Variants in DTNB observed in about 807,000 individuals in gnomAD.
DTNB encodes the protein dystrobrevin beta.
A neutral mutation model predicts 90.7 loss-of-function variants in DTNB; 63 were observed. The observed-to-expected ratio is 0.69, with a 90% CI of 0.57 to 0.86. The LOEUF is 0.86. Among genes scored for constraint, DTNB ranks in the 40% least tolerant of loss-of-function variants. The pLI, the probability that DTNB is intolerant of heterozygous loss-of-function variation, is 0.00. For synonymous variants in DTNB, 277 were observed against 286.7 expected (o/e 0.97, Z 0.34); for missense variants, 744 against 807.1 (o/e 0.92, Z 0.95).
intron 19 of DTNB, among the ~76,000 whole-genome samples, chr2:25,382,692 C>T (rs1056779808): frequency 1.1e-4 from 16 of 151,866 alleles, no homozygotes; most frequent in Admixed American, 7.2e-4. Context: ...CCACACCTGG[C>T]TTATTTTTGT....
chr2:25,471,691 C>A (rs528815449), intron 10 of DTNB, among the ~76,000 whole-genome samples: 3 of 152,080 alleles, frequency 2.0e-5, no homozygotes, highest in Non-Finnish European at 4.4e-5. Flanking sequence ...CGTGAGCCAC[C>A]GCATCTGGCC....
At position 25,627,937 on chromosome 2, in the gene DTNB, C is replaced by T. The variant is rs182626481; in HGVS notation, c.362+234G>A. ...ATTTTTAGTAGAGACGGGGTTTCAC[C>T]GTGTTAGCCGGGATGGTCTCCATCT... On this transcript the variant is annotated intron_variant, in intron 4 of 20. Transcript: ENST00000406818. Among the ~76,000 whole-genome samples, 7 of 152,096 alleles carry T rather than the reference C, an allele frequency of 4.6e-5. No individual in the cohort carries two copies. The South Asian group carries it at 6.2e-4, about 14-fold the overall frequency.
chr2:25,488,553 A>G (rs1436266013), intron 9 of DTNB, among the ~76,000 whole-genome samples: 1 of 152,204 alleles, frequency 6.6e-6, no homozygotes, highest in Non-Finnish European at 1.5e-5. Context: ...AAATAGGAGA[A>G]CAGAACTCAG....
In DTNB at chr2:25,386,066, T is replaced by A. The variant is rs1038242782; in HGVS notation, c.1825+1223A>T. 4 of 985,372 alleles carry A rather than the reference T, an allele frequency of 4.1e-6. No individual in the cohort carries two copies. The African/African-American group carries it at 7.0e-5, about 17-fold the overall frequency. 61.0% of individuals were successfully genotyped at this position (985,372 alleles called of 1,614,324 possible). On this transcript the variant is annotated intron_variant, in intron 18 of 20. Transcript: ENST00000406818. ...TGAAGGCTGTCGCCTCTTCTGTTTATGTGTACAGAGCGGGGCCGTGCTTCT... is the reference window on the plus strand; with the variant it reads ...TGAAGGCTGTCGCCTCTTCTGTTTAAGTGTACAGAGCGGGGCCGTGCTTCT...
intron 1 of DTNB, chr2:25,652,911 T>C (rs774655746): frequency 8.9e-6 from 3 of 336,792 alleles, no homozygotes; most frequent in Non-Finnish European, 1.6e-5. Context: ...GCTAAAAATA[T>C]GGGGCTGACT....
intron 2 of DTNB, among the ~76,000 whole-genome samples, chr2:25,645,280 G>A (rs1001759268): frequency 2.0e-5 from 3 of 151,276 alleles, no homozygotes; most frequent in Non-Finnish European, 4.4e-5. Flanking sequence ...CTACTTGAGA[G>A]GGTGAGGCAT....
chr2:25,572,341 C>T (rs2059994970), intron 8 of DTNB, among the ~76,000 whole-genome samples: 1 of 152,104 alleles, frequency 6.6e-6, no homozygotes, highest in Non-Finnish European at 1.5e-5. Context: ...GTGGTGGGCA[C>T]CTGCAGTCCT....
chr2:25,604,203 C>CCAA (rs142633355), intron 5 of DTNB, among the ~76,000 whole-genome samples: 2 of 152,098 alleles, frequency 1.3e-5, no homozygotes, highest in African/African-American at 4.8e-5. Context: ...ACCACCACCA[C>CCAA]CAACAACAAC....
chr2:25,447,700 G>T (rs543274026), intron 12 of DTNB, among the ~76,000 whole-genome samples: 2 of 151,662 alleles, frequency 1.3e-5, no homozygotes, highest in East Asian at 1.9e-4. Flanking sequence ...GTAGAGACGG[G>T]GTTTCACCAT....
chr2:25,447,190 T>C (rs2058545172), intron 12 of DTNB, among the ~76,000 whole-genome samples: 1 of 152,370 alleles, frequency 6.6e-6, no homozygotes, highest in South Asian at 2.1e-4. Context: ...TCTAAAGCCA[T>C]TGAGGGTCTC....
At chr2:25,558,714 TAA>T (rs2057762895) in intron 8 of DTNB, among the ~76,000 whole-genome samples, 1 of 152,210 alleles carries the variant, frequency 6.6e-6, no homozygotes, top group African/African-American at 2.4e-5. Flanking sequence ...GTTTTATGAA[TAA>T]ATCGTGCATG....
intron 16 of DTNB, among the ~76,000 whole-genome samples, chr2:25,389,290 C>T (rs2149549010): frequency 6.6e-6 from 1 of 152,358 alleles, no homozygotes; most frequent in Non-Finnish European, 1.5e-5. Context: ...AGGTTGTGAC[C>T]CCACTTCCTG....
At chr2:25,379,152 G>A in intron 20 of DTNB, 138 bp downstream of exon 20, 1 of 800,726 alleles carries the variant, frequency 1.2e-6, no homozygotes, top group Non-Finnish European at 1.7e-6. Flanking sequence ...GCAAAGGGAA[G>A]GGACAGTTGG....
chr2:25,603,496 A>G (rs1266490112), intron 5 of DTNB, among the ~76,000 whole-genome samples: 1 of 152,220 alleles, frequency 6.6e-6, no homozygotes, highest in Non-Finnish European at 1.5e-5. Context: ...TCTTAAGACA[A>G]ATCTGAAAAA....
chr2:25,629,580 A>G (rs2075234466), intron 3 of DTNB, among the ~76,000 whole-genome samples: 1 of 152,248 alleles, frequency 6.6e-6, no homozygotes, highest in Non-Finnish European at 1.5e-5. Context: ...TAAGTGGATG[A>G]CAATTTTCAA....
chr2:25,662,439 T>C (rs2149015927), intron 1 of DTNB, among the ~76,000 whole-genome samples: 1 of 152,226 alleles, frequency 6.6e-6, no homozygotes, highest in East Asian at 1.9e-4. Context: ...AAAAATAATA[T>C]TATTTCCATA....
chr2:25,384,448 G>T (rs977616177), intron 18 of DTNB, among the ~76,000 whole-genome samples: 4 of 152,148 alleles, frequency 2.6e-5, no homozygotes, highest in African/African-American at 7.2e-5. Context: ...TGCTCTGCAG[G>T]GACAAGATCC....
At chr2:25,503,503 A>C (rs1209702050) in intron 9 of DTNB, among the ~76,000 whole-genome samples, 2 of 152,144 alleles carry the variant, frequency 1.3e-5, no homozygotes, top group East Asian at 1.9e-4. Context: ...TAAACAAAAC[A>C]ACCAACCAAG....
At chr2:25,470,891 T>TA (rs147721195) in intron 10 of DTNB, among the ~76,000 whole-genome samples, 2,052 of 150,064 alleles carry the variant, frequency 0.014, 38 homozygotes, top group African/African-American at 0.045. Flanking sequence ...CCTCTGTCAC[T>TA]AAAAAAAAAT....
Sources: gnomAD v4.1 joint callset for allele counts (sites outside exome capture counted in the v4.1 genomes callset) on GRCh38, gnomAD v4.1.1 for gene constraint, MANE v1.5 for transcripts, NCBI Gene and HGNC (gene_info 2026-07-23, HGNC 2026-07-21) for gene names.